The following KIAA1549L variants were observed in gnomAD, a reference collection of about 807,000 sequenced individuals.
KIAA1549L encodes the protein KIAA1549 like.
In KIAA1549L, 88 loss-of-function variants were observed where a neutral mutation model predicts 160.7. The ratio of observed to expected loss-of-function variants is 0.55; its 90% confidence interval spans 0.46 to 0.65. The LOEUF is 0.65. KIAA1549L is among the 30% of genes least tolerant of loss of function. The probability of loss-of-function intolerance (pLI) is 0.00; values close to 1 mark genes in which losing one functional copy is unlikely to be tolerated. For synonymous variants in KIAA1549L, 950 were observed against 976.7 expected (o/e 0.97, Z 0.51); for missense variants, 2,258 against 2,437.5 (o/e 0.93, Z 1.55).
intron 15 of KIAA1549L, among the ~76,000 whole-genome samples, chr11:33,617,170 C>T (rs985603017): frequency 1.3e-5 from 2 of 149,192 alleles, no homozygotes; most frequent in African/African-American, 2.5e-5. Flanking sequence ...GGAGAGTTTT[C>T]TGAAGATAGA....
rs201521772 is a variant in KIAA1549L, at chr11:33,638,435, AAT to A, written c.5410-7249_5410-7248del. ...CTCTAAAATAAATAAAAAAAAAAAAAATAAATAAATAAATAAATAAATAAAAT... is the reference window on the plus strand; with the variant it reads ...CTCTAAAATAAATAAAAAAAAAAAAAAAATAAATAAATAAATAAATAAAAT... On this transcript the variant is annotated intron_variant, in intron 16 of 20. Coordinates refer to ENST00000658780, the MANE Select transcript of KIAA1549L (RefSeq NM_012194.3). 6.1e-3 allele frequency among the ~76,000 whole-genome samples: 157 copies of A among 25,776 alleles called. 3 individuals carry two copies. The highest frequency in any genetic ancestry group is 0.025 in the Admixed American group (79 of 3,140). The allele number at this position is 25,776 out of a possible 152,430, so 16.9% of individuals were successfully genotyped here.
chr11:33,504,668 A>G (rs1037437102), intron 1 of KIAA1549L, among the ~76,000 whole-genome samples: 4 of 152,024 alleles, frequency 2.6e-5, no homozygotes, highest in Non-Finnish European at 4.4e-5. Context: ...GGGTTTCACC[A>G]TGTTGGCCAG....
chr11:33,542,239 G>A lies in KIAA1549L; in HGVS notation c.676G>A (p.Gly226Arg). The change falls in exon 2 of 21, where the codon GGG (glycine) becomes AGG (arginine). Residue 226 changes from glycine to arginine, a missense_variant. Coordinates refer to ENST00000658780, the MANE Select transcript of KIAA1549L (RefSeq NM_012194.3). ...CCCCCCATCCCAGCCAGTATGGGCA[G>A]GGACTTCCTCCATTTCAAAGCATCC... Reference protein sequence around the residue: ...AVPPSQPVWAGTSSISKHPPR... With the variant: ...AVPPSQPVWARTSSISKHPPR... 1.5e-6 allele frequency: 1 copy of A among 665,084 alleles called. No individual in the cohort carries two copies. Among genetic ancestry groups the A allele is most frequent in the Non-Finnish European group, 2.8e-6 (1 of 360,142 alleles). 41.2% of individuals were successfully genotyped at this position (665,084 alleles called of 1,614,324 possible).
At chr11:33,395,407 A>G (rs1273774655) in intron 1 of KIAA1549L, among the ~76,000 whole-genome samples, 2 of 152,068 alleles carry the variant, frequency 1.3e-5, no homozygotes, top group African/African-American at 2.4e-5. Context: ...TGTGAAAATT[A>G]TTTTCTTTTT....
At chr11:33,638,192 C>A in intron 16 of KIAA1549L, among the ~76,000 whole-genome samples, 1 of 152,154 alleles carries the variant, frequency 6.6e-6, no homozygotes, top group East Asian at 1.9e-4. Flanking sequence ...CCCTTATAAC[C>A]ACCAGACCAA....
intron 1 of KIAA1549L, among the ~76,000 whole-genome samples, chr11:33,502,032 CAG>C (rs1852961227): frequency 6.6e-6 from 1 of 152,178 alleles, no homozygotes; most frequent in East Asian, 1.9e-4. Flanking sequence ...CAAGCACACA[CAG>C]AGAGATGGAA....
At chr11:33,405,025 A>T (rs887038882) in intron 1 of KIAA1549L, among the ~76,000 whole-genome samples, 28 of 151,292 alleles carry the variant, frequency 1.9e-4, no homozygotes, top group Non-Finnish European at 3.2e-4. Flanking sequence ...AAAAAAAAAA[A>T]GTTATTTCAA....
At chr11:33,387,454 C>T (rs1393343721) in intron 1 of KIAA1549L, among the ~76,000 whole-genome samples, 1 of 152,120 alleles carries the variant, frequency 6.6e-6, no homozygotes, top group East Asian at 1.9e-4. Flanking sequence ...TACAGGCACG[C>T]ACCACTGCAC....
At chr11:33,622,115 G>A (rs1050662790) in intron 16 of KIAA1549L, among the ~76,000 whole-genome samples, 24 of 152,068 alleles carry the variant, frequency 1.6e-4, no homozygotes, top group Non-Finnish European at 2.2e-4. Context: ...TCAAAGAGGC[G>A]ATCACAGTCA....
At chr11:33,505,217 A>G (rs1225164997) in intron 1 of KIAA1549L, among the ~76,000 whole-genome samples, 2 of 152,222 alleles carry the variant, frequency 1.3e-5, no homozygotes, top group African/African-American at 4.8e-5. Context: ...CTCGCCTCAG[A>G]AGAATTTCCA....
At chr11:33,421,291 T>G in intron 1 of KIAA1549L, among the ~76,000 whole-genome samples, 1 of 150,416 alleles carries the variant, frequency 6.6e-6, no homozygotes, top group South Asian at 2.1e-4. Context: ...GCTGTAGCAG[T>G]AGATTATGGG....
At chr11:33,613,797 T>C (rs1199190003) in intron 15 of KIAA1549L, among the ~76,000 whole-genome samples, 1 of 152,230 alleles carries the variant, frequency 6.6e-6, no homozygotes, top group Non-Finnish European at 1.5e-5. Context: ...AGACAAAGTT[T>C]AGGTTCCAAA....
intron 1 of KIAA1549L, among the ~76,000 whole-genome samples, chr11:33,457,300 G>A (rs1438241245): frequency 6.6e-6 from 1 of 152,170 alleles, no homozygotes; most frequent in Non-Finnish European, 1.5e-5. Context: ...AGCAGAGCTG[G>A]CAGCTCAGTT....
At chr11:33,628,650 C>T (rs1851186987) in intron 16 of KIAA1549L, among the ~76,000 whole-genome samples, 1 of 146,464 alleles carries the variant, frequency 6.8e-6, no homozygotes, top group Non-Finnish European at 1.5e-5. Context: ...AGATCTTCCT[C>T]CATCCTTTTA....
chr11:33,588,593 G>C (rs546699527), intron 11 of KIAA1549L, among the ~76,000 whole-genome samples: 1 of 152,192 alleles, frequency 6.6e-6, no homozygotes, highest in African/African-American at 2.4e-5. Context: ...CATTTCAGAC[G>C]TTGAATCTAA....
chr11:33,472,819 C>A (rs1210005466), intron 1 of KIAA1549L, among the ~76,000 whole-genome samples: 1 of 152,180 alleles, frequency 6.6e-6, no homozygotes, highest in East Asian at 1.9e-4. Context: ...AAAATCAGTA[C>A]TTTGGAGAGA....
At chr11:33,540,281 A>G (rs1853986899) in intron 1 of KIAA1549L, among the ~76,000 whole-genome samples, 1 of 152,216 alleles carries the variant, frequency 6.6e-6, no homozygotes, top group African/African-American at 2.4e-5. Context: ...TTTGATTCTG[A>G]ATCCATAAGT....
intron 1 of KIAA1549L, among the ~76,000 whole-genome samples, chr11:33,395,922 ATGG>A: frequency 6.6e-6 from 1 of 152,094 alleles, no homozygotes; most frequent in Non-Finnish European, 1.5e-5. Flanking sequence ...TGAGGTCCTG[ATGG>A]TGGTACATGC....
In KIAA1549L at chr11:33,542,657, T is replaced by G; in HGVS notation, c.1094T>G (p.Leu365Arg). Reference sequence around the variant, plus strand: ...CCTCCCCCAGCACTTGGAAGTCTTCTTCAGCTTCCAGATGGAAGCCCCTCA... The same window carrying G: ...CCTCCCCCAGCACTTGGAAGTCTTCGTCAGCTTCCAGATGGAAGCCCCTCA... ...SPPPPALGSL[L>R]QLPDGSPSWS... Residue 365 changes from leucine to arginine, a missense_variant, in exon 2 of 21, where the codon CTT becomes CGT. Leu to Arg is a moderately radical substitution (Grantham distance 102, BLOSUM62 -2). Around this residue, in one of 6 missense-constraint regions of KIAA1549L, gnomAD observed 540 missense variants for 465.7 expected, o/e 1.16. Coordinates refer to ENST00000658780, the MANE Select transcript of KIAA1549L (RefSeq NM_012194.3). 1 of 1,613,870 alleles carries G rather than the reference T, an allele frequency of 6.2e-7. No homozygotes were observed.
Sources: gnomAD v4.1 joint callset for allele counts (sites outside exome capture counted in the v4.1 genomes callset) on GRCh38, gnomAD v4.1.1 for gene constraint, gnomAD v4.1.1 regional missense constraint, MANE v1.5 for transcripts, NCBI Gene and HGNC (gene_info 2026-07-23, HGNC 2026-07-21) for gene names.